The following CAMKK1 variants were observed in gnomAD, a reference collection of about 807,000 sequenced individuals.
CAMKK1 encodes calcium/calmodulin-dependent protein kinase kinase 1.
CAMKK1 carries 20 observed loss-of-function variants against 63.5 expected under a neutral mutation model. The observed-to-expected ratio is 0.32, with a 90% CI of 0.22 to 0.46. The LOEUF (loss-of-function observed/expected upper bound fraction) is 0.46, where lower values mean the gene tolerates loss of function less well. CAMKK1 is among the 20% of genes least tolerant of loss of function. The pLI is 1.00. For synonymous variants in CAMKK1, 253 were observed against 269.0 expected, an observed-to-expected ratio of 0.94 and a Z score of 0.58; for missense variants, 588 against 658.1, an observed-to-expected ratio of 0.89 and a Z score of 1.17.
At chr17:3,870,504 T>G (rs1278319854) in intron 12 of CAMKK1, among the ~76,000 whole-genome samples, 1 of 152,242 alleles carries the variant, frequency 6.6e-6, no homozygotes, top group Admixed American at 6.5e-5. Context: ...TAGCTGGGAC[T>G]ACAGGTGCCC....
intron 8 of CAMKK1, among the ~76,000 whole-genome samples, chr17:3,881,368 C>T (rs1482153920): frequency 6.6e-6 from 1 of 152,218 alleles, no homozygotes; most frequent in African/African-American, 2.4e-5. Flanking sequence ...CCCTCTCCTC[C>T]ATCCCTATCT....
chr17:3,876,578 C>T (rs1451651444), intron 9 of CAMKK1, among the ~76,000 whole-genome samples, 156 bp from the exon 10 acceptor site: 2 of 152,170 alleles, frequency 1.3e-5, no homozygotes, highest in Non-Finnish European at 2.9e-5. Context: ...TCAGGGCCAT[C>T]TGCTCCACGC....
At chr17:3,877,218 A>C (rs991909174) in intron 9 of CAMKK1, among the ~76,000 whole-genome samples, 2 of 152,156 alleles carry the variant, frequency 1.3e-5, no homozygotes, top group Non-Finnish European at 2.9e-5. Context: ...GGACTCTGCT[A>C]TCCTACAGAG....
intron 1 of CAMKK1, among the ~76,000 whole-genome samples, chr17:3,888,570 C>T (rs1039952529): frequency 2.0e-5 from 3 of 152,194 alleles, no homozygotes; most frequent in Non-Finnish European, 2.9e-5. Flanking sequence ...AGGGAACGCC[C>T]GTAAGGCGCT....
At chr17:3,863,263 A>G (rs1227741850) in intron 15 of CAMKK1, among the ~76,000 whole-genome samples, 1 of 152,144 alleles carries the variant, frequency 6.6e-6, no homozygotes, top group Non-Finnish European at 1.5e-5. Flanking sequence ...TGGGAGGCTG[A>G]GGTGGGCAGA....
chr17:3,878,801 T>C (rs1329466580), intron 9 of CAMKK1: 3 of 117,438 alleles, frequency 2.6e-5, no homozygotes, highest in African/African-American at 3.7e-5. Context: ...TGTATATATG[T>C]ATGTATGCAT....
chr17:3,891,279 C>T (rs970874911), intron 1 of CAMKK1, among the ~76,000 whole-genome samples: 7 of 152,086 alleles, frequency 4.6e-5, no homozygotes, highest in Admixed American at 2.0e-4. Flanking sequence ...TTTAATTTCT[C>T]GTGGGGGCAA....
In CAMKK1 at chr17:3,869,791, G is replaced by C; in HGVS notation, c.1212+10C>G. 1 of 1,613,658 alleles carries C rather than the reference G, an allele frequency of 6.2e-7. No individual in the cohort carries two copies. The highest frequency in any genetic ancestry group is 8.5e-7 in the Non-Finnish European group (1 of 1,179,540). On this transcript the variant is annotated intron_variant, in intron 13 of 15. Coordinates refer to ENST00000348335, the MANE Select transcript of CAMKK1 (RefSeq NM_032294.3). ...GTCCCAGCCCAGCCCAAGACCCCCA[G>C]TTCCCCGACCTTGATGTCTGGCACC...
At position 3,882,941 on chromosome 17, in the gene CAMKK1, T is replaced by C; in HGVS notation, c.648+101A>G. ...AGAGGCCTCAGCCACATCTGCCACC[T>C]GGGCAAGATCCCTGGGTCTGTGCTA... On this transcript the variant is annotated intron_variant, in intron 6 of 15. Transcript: ENST00000348335. This position sits in a 1 kb window ranked among gnomAD's most constrained non-coding sequence, Gnocchi z 4.3. 1 of 1,482,652 alleles carries C rather than the reference T, an allele frequency of 6.7e-7. No individual in the cohort carries two copies. Among genetic ancestry groups the C allele is most frequent in the Non-Finnish European group, 9.1e-7 (1 of 1,094,666 alleles). The allele number at this position is 1,482,652 out of a possible 1,614,324, so 91.8% of individuals were successfully genotyped here. A position where few individuals can be genotyped will look rare whatever the true frequency, so the allele number is the denominator to read the frequency against.
At chr17:3,885,073 A>T (rs937461780) in intron 2 of CAMKK1, among the ~76,000 whole-genome samples, 4 of 152,192 alleles carry the variant, frequency 2.6e-5, no homozygotes, top group African/African-American at 9.7e-5. Flanking sequence ...AAGACTACAT[A>T]GGGGACCAGG....
In CAMKK1 at chr17:3,876,244, G is replaced by A. The variant is rs560406629; in HGVS notation, c.975C>T (p.Ser325=). The A allele has an allele frequency of 1.2e-4, 196 of 1,614,134 alleles. 2 individuals are homozygous for A. In the South Asian group the frequency reaches 2.0e-3, roughly 16 times the overall value. ...AFMAPEAISD[S]GQSFSGKALD... is the part of the protein sequence containing the mutation. ...TCACCTTCCCACTGAAGCTCTGGCC[G>A]GAATCAGAAATGGCCTCGGGGGCCA... The change falls in exon 10 of 16, where the codon TCC becomes TCT. Residue 325 remains serine, a synonymous_variant. Coordinates refer to ENST00000348335, the MANE Select transcript of CAMKK1 (RefSeq NM_032294.3).
chr17:3,870,996 C>T (rs1012845545), intron 12 of CAMKK1, among the ~76,000 whole-genome samples: 2 of 152,148 alleles, frequency 1.3e-5, no homozygotes. Flanking sequence ...CGTGTGAATG[C>T]TAGCGCCAGG....
chr17:3,871,347 G>GTTTTTTTTTTTTTTTTTTTTTTTTT (rs869219931), intron 12 of CAMKK1, among the ~76,000 whole-genome samples: 52 of 104,360 alleles, frequency 5.0e-4, no homozygotes, highest in Admixed American at 6.9e-4. Context: ...TTTTTTTTTT[G>GTTTTTTTTTTTTTTTTTTTTTTTTT]TTTTTTTTTT....
At chr17:3,874,044 T>G (rs2055029313) in intron 10 of CAMKK1, among the ~76,000 whole-genome samples, 1 of 152,218 alleles carries the variant, frequency 6.6e-6, no homozygotes, top group Admixed American at 6.5e-5. Flanking sequence ...CCACCTCTTC[T>G]GGTATCCACT....
intron 12 of CAMKK1, 50 bp downstream of exon 12, chr17:3,872,504 A>G (rs1284095407): frequency 4.7e-6 from 7 of 1,502,550 alleles, no homozygotes; most frequent in African/African-American, 1.4e-5. Flanking sequence ...TAAAACTCAG[A>G]CACCAGGAGC....
intron 12 of CAMKK1, among the ~76,000 whole-genome samples, chr17:3,871,326 G>GTTT (rs1567617810): frequency 1.4e-5 from 1 of 69,102 alleles, no homozygotes. Context: ...TTTGTTTGTT[G>GTTT]TTTTTTGTTT....
Position 3,868,196 on chromosome 17 carries a change from AACTGATACGTGGGC to A in CAMKK1, c.1341+1277_1341+1290del, listed in dbSNP as rs2054639545. ...TCTGGGGGAGAAGCAGGCGCCGTCT[AACTGATACGTGGGC>A]TCTGGGGGAGAAGCAGGCGCCGTCT... On this transcript the variant is annotated intron_variant, in intron 14 of 15. Coordinates refer to ENST00000348335, the MANE Select transcript of CAMKK1 (RefSeq NM_032294.3). Among the ~76,000 whole-genome samples the A allele has an allele frequency of 9.2e-4, 18 of 19,506 alleles. 4 individuals carry two copies. The highest frequency in any genetic ancestry group is 5.4e-3 in the South Asian group (2 of 372). The allele number at this position is 19,506 out of a possible 152,430, so 12.8% of individuals were successfully genotyped here.
In CAMKK1 at chr17:3,884,661, G is replaced by C. The variant is rs1240881437; in HGVS notation, c.361-234C>G. On this transcript the variant is annotated intron_variant, in intron 2 of 15. Coordinates refer to ENST00000348335, the MANE Select transcript of CAMKK1 (RefSeq NM_032294.3). This position sits in a 1 kb window ranked among gnomAD's most constrained non-coding sequence, Gnocchi z 4.5. Reference sequence around the variant, plus strand: ...GATGGTGACGCCATGGCTGTGCCTTGTTCCCCAGAAGCAGTGGTGAAGGGA... The same window carrying C: ...GATGGTGACGCCATGGCTGTGCCTTCTTCCCCAGAAGCAGTGGTGAAGGGA... Among the ~76,000 whole-genome samples the C allele has an allele frequency of 6.6e-6, 1 of 152,218 alleles. No individual in the cohort carries two copies. Among genetic ancestry groups the C allele is most frequent in the African/African-American group, 2.4e-5 (1 of 41,454 alleles).
chr17:3,874,079 G>A (rs75655951), intron 10 of CAMKK1, among the ~76,000 whole-genome samples: 2 of 152,126 alleles, frequency 1.3e-5, no homozygotes, highest in Non-Finnish European at 2.9e-5. Flanking sequence ...AGTGATTCTC[G>A]ATCTCTACCT....
Sources: allele counts gnomAD v4.1 joint callset (sites outside exome capture counted in the v4.1 genomes callset), GRCh38; gene constraint gnomAD v4.1.1; non-coding constraint Gnocchi (gnomAD v3.1); transcripts MANE v1.5; gene names NCBI Gene and HGNC (gene_info 2026-07-23, HGNC 2026-07-21).